AFAP1: variants seen among roughly 807,000 people sequenced by gnomAD.
AFAP1 encodes the protein actin filament-associated protein 1.
A neutral mutation model predicts 93.9 loss-of-function variants in AFAP1; 75 were observed. That is an observed-to-expected ratio of 0.80 (90% CI 0.66 to 0.97). The LOEUF is 0.97. Among genes scored for constraint, AFAP1 ranks in the 50% least tolerant of loss-of-function variants. The pLI is 0.00. For synonymous variants in AFAP1, 517 were observed against 430.7 expected (o/e 1.20, Z -2.48); for missense variants, 1,201 against 1,050.8 (o/e 1.14, Z -1.98).
chr4:7,860,521 A>G (rs1715556205), intron 3 of AFAP1, among the ~76,000 whole-genome samples: 1 of 152,078 alleles, frequency 6.6e-6, no homozygotes, highest in African/African-American at 2.4e-5. Flanking sequence ...CTTGATACAT[A>G]TTTTCTCTCG....
At chr4:7,880,520 C>T (rs1354353152) in intron 1 of AFAP1, among the ~76,000 whole-genome samples, 1 of 152,046 alleles carries the variant, frequency 6.6e-6, no homozygotes, top group African/African-American at 2.4e-5. Flanking sequence ...CCTGATGATC[C>T]ACCCACCTAG....
intron 3 of AFAP1, among the ~76,000 whole-genome samples, chr4:7,857,075 T>C (rs1484872245): frequency 6.6e-6 from 1 of 152,194 alleles, no homozygotes; most frequent in African/African-American, 2.4e-5. Flanking sequence ...TCTCCCCTTT[T>C]TCCTATGAAT....
rs570878468 is a variant in AFAP1, at chr4:7,860,566, T to C, written c.226-4992A>G. ...TAACAGTCAGATGTCAGCCTCTCAA[T>C]TGTGATTTCACAGATGAGGAAACTG... On this transcript the variant is annotated intron_variant, in intron 3 of 17. Transcript: ENST00000420658. Among the ~76,000 whole-genome samples, 15 of 152,252 alleles carry C rather than the reference T, an allele frequency of 9.9e-5. No homozygotes were observed. In the South Asian group the frequency reaches 2.3e-3, roughly 23 times the overall value.
chr4:7,824,112 C>A (rs1050157759), intron 6 of AFAP1, among the ~76,000 whole-genome samples: 1 of 152,174 alleles, frequency 6.6e-6, no homozygotes. Context: ...AAGTAAAGCA[C>A]TGATCACTCC....
chr4:7,840,261 G>GGT (rs1560191503), intron 5 of AFAP1, among the ~76,000 whole-genome samples: 1 of 56,194 alleles, frequency 1.8e-5, no homozygotes, highest in African/African-American at 6.3e-5. Flanking sequence ...TTGTTTTTGG[G>GGT]ATGTGTGTGT....
intron 1 of AFAP1, among the ~76,000 whole-genome samples, chr4:7,873,071 C>T (rs1717193327): frequency 6.6e-6 from 1 of 150,576 alleles, no homozygotes; most frequent in Admixed American, 6.6e-5. Context: ...CCAACATGGC[C>T]ATCTCTATTA....
Position 7,769,015 on chromosome 4 carries a change from G to GA in AFAP1, c.2254-8_2254-7insT, listed in dbSNP as rs1715026021. On this transcript the variant is annotated splice_polypyrimidine_tract_variant and splice_region_variant and intron_variant, in intron 16 of 17. Transcript: ENST00000420658. ...GGTGCCGGAACACTGGAGACTTAAC[G>GA]GAGAGAGAGAACCCCATGTGATGAG... is the stretch of plus-strand genomic sequence containing the variant. The GA allele has an allele frequency of 6.3e-7, 1 of 1,599,474 alleles. No homozygotes were observed. The highest frequency in any genetic ancestry group is 1.3e-5 in the African/African-American group (1 of 74,562).
intron 3 of AFAP1, among the ~76,000 whole-genome samples, chr4:7,860,872 G>A (rs1488115493): frequency 2.0e-5 from 3 of 152,120 alleles, no homozygotes; most frequent in South Asian, 4.1e-4. Flanking sequence ...TCCTCCCCGC[G>A]CCCAAGGCAG....
intron 1 of AFAP1, among the ~76,000 whole-genome samples, chr4:7,888,345 C>T (rs1322729311): frequency 6.6e-6 from 1 of 152,224 alleles, no homozygotes. Flanking sequence ...CTTCCACCTG[C>T]TCTGAATGTG....
chr4:7,800,668 G>A lies in AFAP1; in HGVS notation c.1055-15C>T. 1 of 1,614,058 alleles carries A rather than the reference G, an allele frequency of 6.2e-7. No individual in the cohort carries two copies. The highest frequency in any genetic ancestry group is 2.2e-5 in the East Asian group (1 of 44,884). ...GTTCAGATAGCCTGCGGAGACACAA[G>A]GCCACAGGTCAGCCGCCTCGGACAA... On this transcript the variant is annotated splice_polypyrimidine_tract_variant and intron_variant, in intron 9 of 17. Transcript: ENST00000420658.
chr4:7,843,623 C>T (rs1305508580), intron 4 of AFAP1: 8 of 361,218 alleles, frequency 2.2e-5, no homozygotes, highest in Non-Finnish European at 1.0e-5. Flanking sequence ...GGACCCCACG[C>T]TGACCCGACA....
chr4:7,798,972 G>A (rs756255), intron 10 of AFAP1: 18 of 986,262 alleles, frequency 1.8e-5, no homozygotes, highest in Non-Finnish European at 2.0e-5. Flanking sequence ...TGGGAGACCC[G>A]CATTGTTACA....
At chr4:7,861,429 G>A (rs1387628116) in intron 3 of AFAP1, among the ~76,000 whole-genome samples, 1 of 152,180 alleles carries the variant, frequency 6.6e-6, no homozygotes, top group Non-Finnish European at 1.5e-5. Context: ...AGAATTCTGA[G>A]TACATACTCT....
intron 3 of AFAP1, among the ~76,000 whole-genome samples, chr4:7,866,324 G>A (rs1013687415): frequency 6.6e-6 from 1 of 152,080 alleles, no homozygotes; most frequent in Non-Finnish European, 1.5e-5. Context: ...AGCCTCCCAA[G>A]TAGCTGGACT....
At chr4:7,897,932 C>T (rs905480990) in intron 1 of AFAP1, among the ~76,000 whole-genome samples, 5 of 152,152 alleles carry the variant, frequency 3.3e-5, no homozygotes, top group African/African-American at 1.2e-4. Flanking sequence ...CATAGTCTTC[C>T]CCATCCCAAT....
At chr4:7,823,998 T>C (rs1721207696) in intron 6 of AFAP1, among the ~76,000 whole-genome samples, 1 of 152,246 alleles carries the variant, frequency 6.6e-6, no homozygotes, top group South Asian at 2.1e-4. Context: ...CCACAAAGTT[T>C]TTCAACCAGT....
At chr4:7,774,551 C>T (rs1715890359) in intron 15 of AFAP1, 188 bp downstream of exon 15, 2 of 886,062 alleles carry the variant, frequency 2.3e-6, no homozygotes, top group South Asian at 2.0e-5. Context: ...GCATGTTTGA[C>T]CACACAGGCA....
Position 7,930,287 on chromosome 4 carries a change from G to A in AFAP1, c.-3+9369C>T, listed in dbSNP as rs370343023. 7.8e-4 allele frequency among the ~76,000 whole-genome samples: 119 copies of A among 152,288 alleles called. 1 individual carries two copies. The South Asian group carries it at 0.024, about 30-fold the overall frequency. On this transcript the variant is annotated intron_variant, in intron 1 of 17. Coordinates refer to ENST00000420658, the MANE Select transcript of AFAP1 (RefSeq NM_001134647.2). ...CACCTCCCCAGCACCAAATGAGTTCGCCAAACCAGAAGCTCTCCAAACCCA... is the reference window on the plus strand; with the variant it reads ...CACCTCCCCAGCACCAAATGAGTTCACCAAACCAGAAGCTCTCCAAACCCA...
At chr4:7,840,305 G>GGT (rs5855989) in intron 5 of AFAP1, among the ~76,000 whole-genome samples, 20,466 of 131,098 alleles carry the variant, frequency 0.16, 1,731 homozygotes, top group East Asian at 0.26. Flanking sequence ...TTGTTTTTGG[G>GGT]GTGTGTGTGT....
Sources: allele counts gnomAD v4.1 joint callset (sites outside exome capture counted in the v4.1 genomes callset), GRCh38; gene constraint gnomAD v4.1.1; transcripts MANE v1.5; gene names NCBI Gene and HGNC (gene_info 2026-07-23, HGNC 2026-07-21).